The following MYT1L variants were observed in gnomAD, a reference collection of about 807,000 sequenced individuals.
The protein encoded by MYT1L is myelin transcription factor 1 like, also known as myelin transcription factor 1-like protein.
A neutral mutation model predicts 126.7 loss-of-function variants in MYT1L; 12 were observed. The ratio of observed to expected loss-of-function variants is 0.09; its 90% CI spans 0.06 to 0.15. MYT1L has a LOEUF of 0.15. Ranked by LOEUF, MYT1L falls within the 10% of genes least tolerant of loss-of-function variation. The probability of loss-of-function intolerance (pLI) is 1.00; values close to 1 mark genes in which losing one functional copy is unlikely to be tolerated. For missense variants in MYT1L, 979 were observed against 1,585.2 expected (o/e 0.62, Z 6.49); for synonymous variants, 541 against 604.2 (o/e 0.90, Z 1.53).
chr2:2,282,649 A>C (rs1200361919), intron 2 of MYT1L, among the ~76,000 whole-genome samples: 1 of 152,244 alleles, frequency 6.6e-6, no homozygotes, highest in African/African-American at 2.4e-5. Flanking sequence ...GGTTATTAAA[A>C]CCATGTTTAT....
intron 8 of MYT1L, among the ~76,000 whole-genome samples, chr2:1,973,437 G>GT (rs2059950165): frequency 6.6e-6 from 1 of 152,080 alleles, no homozygotes; most frequent in African/African-American, 2.4e-5. Flanking sequence ...CTTGCACTTT[G>GT]TTTTTAACAC....
In MYT1L at chr2:1,813,894, G is replaced by C. The variant is rs2148046771; in HGVS notation, c.3081-4727C>G. Among the ~76,000 whole-genome samples, 2 of 112,930 alleles carry C rather than the reference G, an allele frequency of 1.8e-5. 1 individual carries two copies. The highest frequency in any genetic ancestry group is 8.6e-4 in the South Asian group (2 of 2,318). 74.1% of individuals were successfully genotyped at this position (112,930 alleles called of 152,430 possible). A position where few individuals can be genotyped will look rare whatever the true frequency, so the allele number is the denominator to read the frequency against. On this transcript the variant is annotated intron_variant, in intron 21 of 24. Transcript: ENST00000647738. ...TACAAAAAATTAGCCGGGCGTGGTA[G>C]CGGGCGCCTGTAGTCCCAGCTACTC...
chr2:1,804,319 A>AC (rs761099315), intron 22 of MYT1L, among the ~76,000 whole-genome samples: 7 of 152,056 alleles, frequency 4.6e-5, no homozygotes, highest in Non-Finnish European at 1.0e-4. Flanking sequence ...ATGGGGTTTC[A>AC]CCATGTTGGC....
intron 3 of MYT1L, among the ~76,000 whole-genome samples, chr2:2,141,598 T>C (rs963323829): frequency 1.3e-5 from 2 of 152,164 alleles, no homozygotes. Context: ...ATTAAACCTC[T>C]CGTATCAGGA....
rs572668637 is a variant in MYT1L, at chr2:2,038,967, A to G, written c.-158+15011T>C. Among the ~76,000 whole-genome samples the G allele has an allele frequency of 3.9e-5, 6 of 152,168 alleles. No individual in the cohort carries two copies. In the East Asian group the frequency reaches 1.2e-3, roughly 29 times the overall value. ...GCTCCTTTCGCCACAGCCCTGGCAC[A>G]CTGGGTTGTGACTGTTTAGCCACTG... On this transcript the variant is annotated intron_variant, in intron 4 of 24. Coordinates refer to ENST00000647738, the MANE Select transcript of MYT1L (RefSeq NM_001303052.2).
rs1573550099 is a variant in MYT1L, at chr2:1,916,917, A to G, written c.1618+288T>C. On this transcript the variant is annotated intron_variant, in intron 11 of 24. Coordinates refer to ENST00000647738, the MANE Select transcript of MYT1L (RefSeq NM_001303052.2). ...TTACGAGAAAAGATGCCTGGAAGCA[A>G]CCTGCCCAAGGTCACAGAGCAGGTC... is the stretch of plus-strand genomic sequence containing the variant. Among the ~76,000 whole-genome samples, 3 of 152,306 alleles carry G rather than the reference A, an allele frequency of 2.0e-5. No individual in the cohort carries two copies. In the South Asian group the frequency reaches 6.2e-4, roughly 32 times the overall value.
chr2:1,944,381 A>G (rs141845348), intron 8 of MYT1L, among the ~76,000 whole-genome samples: 2,444 of 152,300 alleles, frequency 0.016, 20 homozygotes, highest in Middle Eastern at 0.024. Flanking sequence ...TAGGTGGGTT[A>G]GGGGAGACAT....
At chr2:2,170,677 T>A (rs2089911641) in intron 3 of MYT1L, among the ~76,000 whole-genome samples, 1 of 152,268 alleles carries the variant, frequency 6.6e-6, no homozygotes. Context: ...TATTTCATTC[T>A]ATCACCCATT....
chr2:1,891,920 A>G (rs770639113), intron 15 of MYT1L, 117 bp downstream of exon 15: 48 of 1,422,622 alleles, frequency 3.4e-5, no homozygotes, highest in Non-Finnish European at 4.3e-5. Context: ...ATGGTTTAGG[A>G]GATCACGGCG....
At chr2:2,288,727 C>T (rs558237072) in intron 1 of MYT1L, among the ~76,000 whole-genome samples, 5 of 152,246 alleles carry the variant, frequency 3.3e-5, no homozygotes, top group Admixed American at 6.5e-5. Flanking sequence ...TTATATTAGA[C>T]AGTGCTGATC....
In MYT1L at chr2:1,851,744, T is replaced by G. The variant is rs376674710; in HGVS notation, c.2712-41A>C. ...CAAATTGTGTTAAAATGGAAAGAAATAAAGTTCCCTGAACAATTAACTTTT... is the reference window on the plus strand; with the variant it reads ...CAAATTGTGTTAAAATGGAAAGAAAGAAAGTTCCCTGAACAATTAACTTTT... On this transcript the variant is annotated intron_variant, in intron 18 of 24. Coordinates refer to ENST00000647738, the MANE Select transcript of MYT1L (RefSeq NM_001303052.2). 22 of 1,569,364 alleles carry G rather than the reference T, an allele frequency of 1.4e-5. No individual in the cohort carries two copies. In the African/African-American group the frequency reaches 2.3e-4, roughly 16 times the overall value.
At chr2:2,183,253 G>C (rs1572223157) in intron 2 of MYT1L, among the ~76,000 whole-genome samples, 1 of 152,162 alleles carries the variant, frequency 6.6e-6, no homozygotes, top group Admixed American at 6.5e-5. Context: ...ACAGAGAGGA[G>C]GGGAAGAGAC....
chr2:2,001,053 C>T (rs1324927151), intron 4 of MYT1L, among the ~76,000 whole-genome samples: 1 of 152,068 alleles, frequency 6.6e-6, no homozygotes, highest in Non-Finnish European at 1.5e-5. Context: ...GTTTGTCAAC[C>T]TTTTTTCATT....
chr2:2,031,904 A>AC (rs2066334660), intron 4 of MYT1L, among the ~76,000 whole-genome samples: 1 of 35,418 alleles, frequency 2.8e-5, no homozygotes, highest in African/African-American at 1.2e-4. Flanking sequence ...TTATACACAC[A>AC]CCCTCGCCAG....
At chr2:2,151,975 G>T (rs2085869219) in intron 3 of MYT1L, among the ~76,000 whole-genome samples, 1 of 152,210 alleles carries the variant, frequency 6.6e-6, no homozygotes, top group Non-Finnish European at 1.5e-5. Context: ...AGAATCACTT[G>T]AACCCGGGAG....
At chr2:2,261,494 T>A (rs2094966167) in intron 2 of MYT1L, among the ~76,000 whole-genome samples, 1 of 152,176 alleles carries the variant, frequency 6.6e-6, no homozygotes. Flanking sequence ...TCCTCCCCCC[T>A]GTTAGGTAGG....
intron 16 of MYT1L, among the ~76,000 whole-genome samples, chr2:1,888,311 T>A (rs1339092684): frequency 1.3e-5 from 2 of 152,232 alleles, no homozygotes; most frequent in African/African-American, 4.8e-5. Flanking sequence ...TTGGTAGTAA[T>A]GATTCAACAC....
rs144820931 is a variant in MYT1L, at chr2:2,240,622, T to A, written c.-421+43782A>T. ...CCTAAAGCAAACGAGAAAACGATAA[T>A]GCAGCTCTTACTTCCATATGGACTG... On this transcript the variant is annotated intron_variant, in intron 2 of 24. Transcript: ENST00000647738. Among the ~76,000 whole-genome samples, 779 of 152,318 alleles carry A rather than the reference T, an allele frequency of 5.1e-3. 6 individuals are homozygous for A. Among genetic ancestry groups the A allele is most frequent in the African/African-American group, 0.018 (746 of 41,572 alleles).
chr2:1,885,337 T>G (rs74358420), intron 18 of MYT1L: 4 of 152,706 alleles, frequency 2.6e-5, no homozygotes, highest in Admixed American at 6.5e-5. Flanking sequence ...CTGTTTTGGA[T>G]GAGGCTACAG....
Sources: gnomAD v4.1 joint callset for allele counts (sites outside exome capture counted in the v4.1 genomes callset) on GRCh38, gnomAD v4.1.1 for gene constraint, MANE v1.5 for transcripts, NCBI Gene and HGNC (gene_info 2026-07-23, HGNC 2026-07-21) for gene names.